KATNA1: variants seen among roughly 807,000 people sequenced by gnomAD.
KATNA1 encodes katanin p60 ATPase-containing subunit A1.
In KATNA1, 42 loss-of-function variants were observed where a neutral mutation model predicts 62.6. The ratio of observed to expected loss-of-function variants is 0.67; its 90% confidence interval spans 0.52 to 0.87. The LOEUF is 0.87. KATNA1 is among the 40% of genes least tolerant of loss of function. The pLI is 0.00. For synonymous variants in KATNA1, 186 were observed against 201.9 expected, an observed-to-expected ratio of 0.92 and a Z score of 0.67; for missense variants, 498 against 612.5, an observed-to-expected ratio of 0.81 and a Z score of 1.97.
chr6:149,637,492 C>T (rs1400844775), intron 2 of KATNA1, among the ~76,000 whole-genome samples: 7 of 152,030 alleles, frequency 4.6e-5, no homozygotes, highest in African/African-American at 7.2e-5. Context: ...TCTATTTTTA[C>T]GAAGTAAAAA....
intron 2 of KATNA1, among the ~76,000 whole-genome samples, chr6:149,636,013 C>T (rs745723666): frequency 6.6e-6 from 1 of 151,928 alleles, no homozygotes; most frequent in Non-Finnish European, 1.5e-5. Context: ...TGAGACCGCG[C>T]CATTGCACTC....
Position 149,600,194 on chromosome 6 carries a change from TAAAAAAAAAAAAA to T in KATNA1, c.888+1387_888+1399del, listed in dbSNP as rs67468519. Among the ~76,000 whole-genome samples the T allele has an allele frequency of 4.7e-4, 32 of 67,986 alleles. 1 individual carries two copies. The highest frequency in any genetic ancestry group is 1.7e-3 in the Admixed American group (8 of 4,822). The allele number at this position is 67,986 out of a possible 152,430, so 44.6% of individuals were successfully genotyped here. ...TGTGCAATATAGTGAGAGCTTATCT[TAAAAAAAAAAAAA>T]AAAAAAAAAAAAAGCTGAACACAAT... On this transcript the variant is annotated intron_variant, in intron 7 of 10. Transcript: ENST00000367411.
At chr6:149,627,097 G>A (rs1398860761) in intron 3 of KATNA1, among the ~76,000 whole-genome samples, 3 of 151,576 alleles carry the variant, frequency 2.0e-5, no homozygotes, top group Non-Finnish European at 2.9e-5. Flanking sequence ...GTGCTATCAA[G>A]AAGAATAAAG....
chr6:149,614,037 T>A (rs1388252985), intron 4 of KATNA1, among the ~76,000 whole-genome samples: 1 of 152,068 alleles, frequency 6.6e-6, no homozygotes. Flanking sequence ...CTTCCTAACC[T>A]CCAGAACTGT....
Position 149,641,085 on chromosome 6 carries a change from G to A in KATNA1, c.-13-2525C>T, listed in dbSNP as rs1780264815. ...GGGTTTCTCCATTTTGGTCACGCTG[G>A]TCTCGAACTCCCGATCTCGGGTGAT... On this transcript the variant is annotated intron_variant, in intron 1 of 10. Coordinates refer to ENST00000367411, the MANE Select transcript of KATNA1 (RefSeq NM_007044.4). Among the ~76,000 whole-genome samples the A allele has an allele frequency of 2.0e-5, 3 of 149,068 alleles. No individual in the cohort carries two copies. In the South Asian group the frequency reaches 6.4e-4, roughly 32 times the overall value.
intron 3 of KATNA1, among the ~76,000 whole-genome samples, chr6:149,631,046 A>C (rs763138707): frequency 1.3e-5 from 2 of 152,164 alleles, no homozygotes; most frequent in Admixed American, 1.3e-4. Flanking sequence ...CAATAAAATA[A>C]CACCTATAGC....
intron 2 of KATNA1, among the ~76,000 whole-genome samples, chr6:149,634,550 G>C (rs1352659742): frequency 1.3e-5 from 2 of 152,058 alleles, no homozygotes; most frequent in Non-Finnish European, 2.9e-5. Context: ...CTGTTGCCCA[G>C]GCTGTACTAC....
At position 149,598,291 on chromosome 6, in the gene KATNA1, G is replaced by C. The variant is rs1778404063; in HGVS notation, c.948C>G (p.Arg316=). The C allele has an allele frequency of 1.9e-6, 3 of 1,613,728 alleles. No individual in the cohort carries two copies. The South Asian group carries it at 3.3e-5, about 18-fold the overall frequency. ...CTTCATGTTCTTCAGAAGTCCCTCG[G>C]CGACTACAGATGGAGTCTATCTCAT... ...FIDEIDSICS[R]RGTSEEHEAS... is the part of the protein sequence containing the mutation. The change falls in exon 8 of 11, where the codon CGC becomes CGG. Residue 316 remains arginine (R), a synonymous_variant. Transcript: ENST00000367411.
At chr6:149,611,044 T>C (rs1272965522) in intron 4 of KATNA1, among the ~76,000 whole-genome samples, 1 of 151,816 alleles carries the variant, frequency 6.6e-6, no homozygotes, top group African/African-American at 2.4e-5. Flanking sequence ...ACTGCACCAC[T>C]GTACTCCAGC....
Position 149,638,412 on chromosome 6 carries a change from T to C in KATNA1, c.136A>G (p.Thr46Ala). 1 of 1,613,810 alleles carries C rather than the reference T, an allele frequency of 6.2e-7. No homozygotes were observed. Among genetic ancestry groups the C allele is most frequent in the Non-Finnish European group, 8.5e-7 (1 of 1,179,920 alleles). ...MNKYLYSVKD[T>A]YLQQKWQQVW... The stretch of plus-strand genomic sequence containing the variant: ...TGTTGCCATTTCTGCTGGAGGTATG[T>C]ATCTTTGACTGAGTACAGATACTTG... Residue 46 changes from threonine (T) to alanine (A), a missense_variant, in exon 2 of 11, where the codon ACA becomes GCA. By Grantham distance (58) the Thr-to-Ala change is moderately conservative. Transcript: ENST00000367411.
chr6:149,646,615 G>T (rs1331077920), intron 1 of KATNA1, among the ~76,000 whole-genome samples: 1 of 151,994 alleles, frequency 6.6e-6, no homozygotes, highest in Admixed American at 6.6e-5. Context: ...ACCATCATAT[G>T]ATAAATACTT....
Position 149,630,829 on chromosome 6 carries a change from G to A in KATNA1, c.320+1930C>T, listed in dbSNP as rs61528805. Reference sequence around the variant, plus strand: ...CTGGGAGTGATGCCCCTAAATCCACGTTTTTAATTAGAGATTGTTAGGACT... The same window carrying A: ...CTGGGAGTGATGCCCCTAAATCCACATTTTTAATTAGAGATTGTTAGGACT... On this transcript the variant is annotated intron_variant, in intron 3 of 10. Transcript: ENST00000367411. Among the ~76,000 whole-genome samples, 555 of 152,068 alleles carry A rather than the reference G, an allele frequency of 3.6e-3. 3 individuals are homozygous for A. The highest frequency in any genetic ancestry group is 0.013 in the African/African-American group (527 of 41,484).
chr6:149,622,986 G>A, intron 4 of KATNA1, 117 bp downstream of exon 4: 1 of 730,004 alleles, frequency 1.4e-6, no homozygotes, highest in Non-Finnish European at 2.1e-6. Context: ...CCCAGCCTGG[G>A]TGACAGAGTG....
chr6:149,614,507 TC>T (rs1264557849), intron 4 of KATNA1, among the ~76,000 whole-genome samples: 1 of 152,190 alleles, frequency 6.6e-6, no homozygotes, highest in Non-Finnish European at 1.5e-5. Flanking sequence ...CATGGTTGGC[TC>T]ATGCTTGTAA....
chr6:149,648,062 C>T (rs1179518680), intron 1 of KATNA1, among the ~76,000 whole-genome samples: 2 of 152,146 alleles, frequency 1.3e-5, no homozygotes, highest in East Asian at 1.9e-4. Context: ...ATCACTCGAA[C>T]CTAACAAATT....
chr6:149,599,738 G>A (rs914039985), intron 7 of KATNA1, among the ~76,000 whole-genome samples: 2 of 151,890 alleles, frequency 1.3e-5, no homozygotes, highest in African/African-American at 2.4e-5. Flanking sequence ...GGCTGGTCTC[G>A]AACTCCTGAC....
chr6:149,606,217 G>A, intron 4 of KATNA1, among the ~76,000 whole-genome samples: 1 of 152,138 alleles, frequency 6.6e-6, no homozygotes, highest in Admixed American at 6.5e-5. Flanking sequence ...GTGTTAAACT[G>A]CTAGAACATA....
In KATNA1 at chr6:149,634,918, C is replaced by T. The variant is rs187072097; in HGVS notation, c.163-2002G>A. 6.6e-3 allele frequency among the ~76,000 whole-genome samples: 977 copies of T among 148,108 alleles called. 12 individuals are homozygous for T. Among genetic ancestry groups the T allele is most frequent in the African/African-American group, 0.023 (927 of 40,350 alleles). The stretch of plus-strand genomic sequence containing the variant: ...AAATAGGTCTCAATTCATATGCAAC[C>T]AAGGTATTTTTTTAAAAGCAGTCTT... On this transcript the variant is annotated intron_variant, in intron 2 of 10. Transcript: ENST00000367411.
At position 149,608,855 on chromosome 6, in the gene KATNA1, G is replaced by A. The variant is rs142501864; in HGVS notation, c.502-4073C>T. ...CCTAGGCAGGTGCCGACAGAGGCTG[G>A]CTGGGGAACCTGAACTTCCATCCCC... On this transcript the variant is annotated intron_variant, in intron 4 of 10. Coordinates refer to ENST00000367411, the MANE Select transcript of KATNA1 (RefSeq NM_007044.4). Among the ~76,000 whole-genome samples the A allele has an allele frequency of 4.0e-3, 604 of 152,326 alleles. 3 individuals carry two copies. The highest frequency in any genetic ancestry group is 5.9e-3 in the Non-Finnish European group (402 of 68,028).
Sources: allele counts gnomAD v4.1 joint callset (sites outside exome capture counted in the v4.1 genomes callset), GRCh38; gene constraint gnomAD v4.1.1; transcripts MANE v1.5; gene names NCBI Gene and HGNC (gene_info 2026-07-23, HGNC 2026-07-21).